Variants in DGKB observed in about 807,000 individuals in gnomAD.
DGKB encodes diacylglycerol kinase beta, also known as 90 kDa diacylglycerol kinase.
Under a neutral mutation model 114.3 loss-of-function variants are expected in DGKB, and 67 were observed. The ratio of observed to expected loss-of-function variants is 0.59; its 90% CI spans 0.48 to 0.72. DGKB has a LOEUF of 0.72. Ranked by LOEUF, DGKB falls within the 30% of genes least tolerant of loss-of-function variation. DGKB has a pLI of 0.00. For synonymous variants in DGKB, 398 were observed against 323.1 expected (o/e 1.23, Z -2.49); for missense variants, 907 against 975.2 (o/e 0.93, Z 0.93).
intron 21 of DGKB, among the ~76,000 whole-genome samples, chr7:14,361,081 AT>A (rs1320371933): frequency 1.3e-5 from 2 of 152,080 alleles, no homozygotes; most frequent in African/African-American, 2.4e-5. Flanking sequence ...CTTAAAAAAA[AT>A]ACTTCTAATA....
intron 2 of DGKB, among the ~76,000 whole-genome samples, chr7:14,825,353 T>C (rs141698256): frequency 6.6e-6 from 1 of 152,234 alleles, no homozygotes; most frequent in African/African-American, 2.4e-5. Context: ...TTGTAATATG[T>C]AATGAAATAA....
At chr7:14,273,435 A>G (rs1250071177) in intron 23 of DGKB, among the ~76,000 whole-genome samples, 1 of 152,224 alleles carries the variant, frequency 6.6e-6, no homozygotes, top group Non-Finnish European at 1.5e-5. Context: ...CTCATTTCAG[A>G]TGTAACAGTA....
intron 2 of DGKB, among the ~76,000 whole-genome samples, chr7:14,836,020 C>T (rs1055390399): frequency 3.3e-5 from 5 of 152,080 alleles, no homozygotes; most frequent in African/African-American, 1.2e-4. Flanking sequence ...TTAAATCCTA[C>T]AACAAGATTT....
intron 25 of DGKB, among the ~76,000 whole-genome samples, chr7:14,157,419 ATAATTTCCAAGTTTAATGT>A (rs1282320088): frequency 6.7e-6 from 1 of 149,936 alleles, no homozygotes; most frequent in Non-Finnish European, 1.5e-5. Flanking sequence ...TTCTGGAATG[ATAATTTCCAAGTTTAATGT>A]TAAAGTCTTC....
chr7:14,854,707 G>A (rs531244921), intron 1 of DGKB, among the ~76,000 whole-genome samples: 45 of 152,278 alleles, frequency 3.0e-4, no homozygotes, highest in Admixed American at 1.9e-3. Context: ...ACAAGTACTG[G>A]TATGAGGCCT....
intron 23 of DGKB, among the ~76,000 whole-genome samples, chr7:14,281,122 T>G (rs139980839): frequency 5.0e-5 from 7 of 139,238 alleles, no homozygotes; most frequent in Non-Finnish European, 1.1e-4. Context: ...ACCCATCTCA[T>G]GTGCAGAGAC....
intron 23 of DGKB, among the ~76,000 whole-genome samples, chr7:14,296,591 C>T (rs1251587995): frequency 6.6e-6 from 1 of 151,866 alleles, no homozygotes; most frequent in Non-Finnish European, 1.5e-5. Flanking sequence ...CATGAGAAAG[C>T]AGGAAAAATC....
intron 2 of DGKB, among the ~76,000 whole-genome samples, chr7:14,796,687 T>TA (rs59325137): frequency 0.022 from 3,150 of 140,928 alleles, 40 homozygotes; most frequent in Middle Eastern, 0.038. Flanking sequence ...TTCTAGAAAG[T>TA]AAAAAAAAAA....
At chr7:14,796,745 G>C (rs1037562083) in intron 2 of DGKB, among the ~76,000 whole-genome samples, 1 of 151,000 alleles carries the variant, frequency 6.6e-6, no homozygotes, top group East Asian at 1.9e-4. Context: ...GTTAGCCAAA[G>C]CTTTTGCAAA....
chr7:14,654,224 G>A (rs1815291069), intron 13 of DGKB, among the ~76,000 whole-genome samples: 1 of 151,992 alleles, frequency 6.6e-6, no homozygotes, highest in South Asian at 2.1e-4. Flanking sequence ...AAAATCAGTA[G>A]CATTCCTATT....
chr7:14,250,583 A>G (rs182328261), intron 23 of DGKB, among the ~76,000 whole-genome samples: 1 of 152,286 alleles, frequency 6.6e-6, no homozygotes, highest in Non-Finnish European at 1.5e-5. Context: ...TCTGGAGAAT[A>G]TTCTGTGTGC....
At chr7:14,390,092 C>A (rs976688161) in intron 21 of DGKB, among the ~76,000 whole-genome samples, 2 of 152,136 alleles carry the variant, frequency 1.3e-5, no homozygotes, top group Non-Finnish European at 2.9e-5. Context: ...GGAGGCATAT[C>A]ATACTGCTGT....
chr7:14,369,574 C>T (rs968821633), intron 21 of DGKB, among the ~76,000 whole-genome samples: 2 of 152,198 alleles, frequency 1.3e-5, no homozygotes, highest in African/African-American at 4.8e-5. Flanking sequence ...ACATCCTCTC[C>T]AGCATCTGTT....
intron 9 of DGKB, among the ~76,000 whole-genome samples, chr7:14,690,018 C>A (rs1822542442): frequency 6.6e-6 from 1 of 152,166 alleles, no homozygotes; most frequent in South Asian, 2.1e-4. Flanking sequence ...AGAAACCATG[C>A]AGGCTAGATG....
intron 21 of DGKB, among the ~76,000 whole-genome samples, chr7:14,370,959 C>A (rs192995682): frequency 6.6e-6 from 1 of 152,184 alleles, no homozygotes; most frequent in Admixed American, 6.5e-5. Context: ...GGACAATGAC[C>A]TCCAGCTACA....
intron 1 of DGKB, among the ~76,000 whole-genome samples, chr7:14,891,382 T>C (rs1296360416): frequency 6.6e-6 from 1 of 151,434 alleles, no homozygotes; most frequent in Non-Finnish European, 1.5e-5. Context: ...CAGTGCTTTT[T>C]AGGTACCTGT....
In DGKB at chr7:14,378,722, T is replaced by C. The variant is rs536524778; in HGVS notation, c.1836-33331A>G. On this transcript the variant is annotated intron_variant, in intron 21 of 25. Coordinates refer to ENST00000402815, the MANE Select transcript of DGKB (RefSeq NM_001350709.2). ...AAACACTCAGAATTAGAAGGAGGTC[T>C]GCAGCAGGACATATACTGAAAACTT... Among the ~76,000 whole-genome samples, 4 of 152,232 alleles carry C rather than the reference T, an allele frequency of 2.6e-5. 1 individual carries two copies. In the South Asian group the frequency reaches 8.3e-4, roughly 32 times the overall value.
chr7:14,865,492 T>C (rs1851575125), intron 1 of DGKB, among the ~76,000 whole-genome samples: 1 of 152,244 alleles, frequency 6.6e-6, no homozygotes, highest in South Asian at 2.1e-4. Flanking sequence ...CTTCAACATT[T>C]GGATTATTGT....
At chr7:14,467,554 T>G (rs187095397) in intron 21 of DGKB, among the ~76,000 whole-genome samples, 127 of 152,224 alleles carry the variant, frequency 8.3e-4, no homozygotes, top group African/African-American at 2.9e-3. Context: ...TTGGGAACCA[T>G]GGCATTACAT....
Sources: allele counts gnomAD v4.1 joint callset (sites outside exome capture counted in the v4.1 genomes callset), GRCh38; gene constraint gnomAD v4.1.1; transcripts MANE v1.5; gene names NCBI Gene and HGNC (gene_info 2026-07-23, HGNC 2026-07-21).